FMN1: variants seen among roughly 807,000 people sequenced by gnomAD.
FMN1 encodes formin-1.
FMN1 carries 110 observed loss-of-function variants against 132.4 expected under a neutral mutation model. That is an observed-to-expected ratio of 0.83 (90% confidence interval 0.71 to 0.97). The LOEUF is 0.97. Among genes scored for constraint, FMN1 ranks in the 50% least tolerant of loss-of-function variants. The pLI is 0.00. For synonymous variants in FMN1, 722 were observed against 651.7 expected, an observed-to-expected ratio of 1.11 and a Z score of -1.64; for missense variants, 1,792 against 1,705.3, an observed-to-expected ratio of 1.05 and a Z score of -0.90.
chr15:33,023,004 A>G (rs2035485957), intron 6 of FMN1, among the ~76,000 whole-genome samples: 1 of 138,798 alleles, frequency 7.2e-6, no homozygotes. Flanking sequence ...CTATGATCGC[A>G]CCACTGCACT....
intron 19 of FMN1, among the ~76,000 whole-genome samples, chr15:32,793,295 T>C (rs1210927687): frequency 3.3e-5 from 5 of 152,204 alleles, no homozygotes; most frequent in African/African-American, 1.2e-4. Flanking sequence ...TTTCTTTTTT[T>C]TTTAAAGACA....
At chr15:33,002,968 T>C (rs891426833) in intron 7 of FMN1, among the ~76,000 whole-genome samples, 1 of 152,174 alleles carries the variant, frequency 6.6e-6, no homozygotes, top group Admixed American at 6.5e-5. Flanking sequence ...AAAAACCACA[T>C]GATTATCTCA....
In FMN1 at chr15:32,814,191, A is replaced by T. The variant is rs114371013; in HGVS notation, c.3929-9859T>A. Among the ~76,000 whole-genome samples, 444 of 152,294 alleles carry T rather than the reference A, an allele frequency of 2.9e-3. 5 individuals are homozygous for T. The highest frequency in any genetic ancestry group is 0.01 in the African/African-American group (431 of 41,554). On this transcript the variant is annotated intron_variant, in intron 17 of 20. Coordinates refer to ENST00000616417, the MANE Select transcript of FMN1 (RefSeq NM_001277313.2). ...AAGTTATACCATCTTCTAGACCCAT[A>T]TATGTCTTTAACTTATCACCATTAA...
At position 33,016,012 on chromosome 15, in the gene FMN1, C is replaced by T. The variant is rs79880968; in HGVS notation, c.2162-7937G>A. Among the ~76,000 whole-genome samples the T allele has an allele frequency of 4.4e-3, 666 of 152,256 alleles. 3 individuals carry two copies. Among genetic ancestry groups the T allele is most frequent in the African/African-American group, 0.015 (635 of 41,536 alleles). Reference sequence around the variant, plus strand: ...TACGGTGGATTTATTGACTTGGAATCTCTGAGGCTACTTTACCAAGCCTAC... The same window carrying T: ...TACGGTGGATTTATTGACTTGGAATTTCTGAGGCTACTTTACCAAGCCTAC... On this transcript the variant is annotated intron_variant, in intron 6 of 20. Coordinates refer to ENST00000616417, the MANE Select transcript of FMN1 (RefSeq NM_001277313.2).
chr15:33,043,499 C>A (rs1484208500), intron 6 of FMN1, among the ~76,000 whole-genome samples: 1 of 152,248 alleles, frequency 6.6e-6, no homozygotes, highest in Non-Finnish European at 1.5e-5. Context: ...GCGCAAGAAT[C>A]TCTCTAAATC....
At chr15:32,864,819 G>A (rs1318516057) in intron 16 of FMN1, among the ~76,000 whole-genome samples, 3 of 152,124 alleles carry the variant, frequency 2.0e-5, no homozygotes, top group African/African-American at 7.2e-5. Context: ...AGTGAATAGA[G>A]CTTTAGTATA....
chr15:32,905,346 A>G (rs1005759518), intron 12 of FMN1, among the ~76,000 whole-genome samples: 7 of 152,248 alleles, frequency 4.6e-5, no homozygotes, highest in Non-Finnish European at 1.0e-4. Context: ...TGCAACCTGC[A>G]TTCTTCGATG....
intron 4 of FMN1, among the ~76,000 whole-genome samples, chr15:33,116,194 C>T (rs901244141): frequency 2.0e-5 from 3 of 152,132 alleles, no homozygotes; most frequent in South Asian, 2.1e-4. Flanking sequence ...AAGATGTAAA[C>T]GTAGACTAAC....
intron 6 of FMN1, among the ~76,000 whole-genome samples, chr15:33,027,995 C>CA (rs1193864276): frequency 2.6e-5 from 4 of 152,200 alleles, no homozygotes; most frequent in African/African-American, 7.2e-5. Context: ...GAGAAGCAAC[C>CA]AGCTCACTTG....
chr15:32,996,854 A>G (rs1194488580), intron 7 of FMN1, among the ~76,000 whole-genome samples: 2 of 152,202 alleles, frequency 1.3e-5, no homozygotes, highest in African/African-American at 4.8e-5. Flanking sequence ...GTGGCAGCAT[A>G]GAGAACACAG....
At chr15:32,860,997 G>A (rs573942884) in intron 16 of FMN1, among the ~76,000 whole-genome samples, 77 of 152,088 alleles carry the variant, frequency 5.1e-4, no homozygotes, top group Non-Finnish European at 9.1e-4. Context: ...GAACATTTGT[G>A]GCCACATAAA....
At chr15:32,875,747 T>A (rs920436715) in intron 16 of FMN1, among the ~76,000 whole-genome samples, 2 of 152,232 alleles carry the variant, frequency 1.3e-5, no homozygotes, top group Admixed American at 1.3e-4. Context: ...GGATTGTGAA[T>A]CTTCCACAGA....
chr15:32,949,964 T>TATATATATATATAC (rs1243666399), intron 9 of FMN1, among the ~76,000 whole-genome samples: 1 of 33,610 alleles, frequency 3.0e-5, no homozygotes, highest in African/African-American at 1.4e-4. Flanking sequence ...TATATATATA[T>TATATATATATATAC]ACACACATAT....
intron 7 of FMN1, among the ~76,000 whole-genome samples, chr15:32,985,268 A>C (rs950439458): frequency 2.0e-5 from 3 of 152,118 alleles, no homozygotes; most frequent in Admixed American, 2.0e-4. Context: ...GCTTATCTTG[A>C]GAACAGCCTC....
intron 6 of FMN1, chr15:33,012,423 T>G: frequency 3.2e-6 from 3 of 948,744 alleles, no homozygotes; most frequent in Non-Finnish European, 5.1e-6. Context: ...CCCACTCAAC[T>G]GTGAAAAAGA....
At chr15:33,158,418 C>T (rs890849026) in intron 3 of FMN1, among the ~76,000 whole-genome samples, 3 of 150,712 alleles carry the variant, frequency 2.0e-5, no homozygotes, top group Non-Finnish European at 3.0e-5. Flanking sequence ...CAATGCAAGG[C>T]ATAAAGCTAC....
intron 16 of FMN1, among the ~76,000 whole-genome samples, chr15:32,875,962 G>C (rs2059627049): frequency 6.6e-6 from 1 of 152,104 alleles, no homozygotes; most frequent in African/African-American, 2.4e-5. Flanking sequence ...CGAAGACTCT[G>C]TTTTCCAAGC....
At chr15:32,873,448 G>A (rs904899816) in intron 16 of FMN1, among the ~76,000 whole-genome samples, 1 of 152,216 alleles carries the variant, frequency 6.6e-6, no homozygotes, top group Non-Finnish European at 1.5e-5. Flanking sequence ...CTGTAAATCT[G>A]TCATTGATCC....
At chr15:33,070,067 G>A (rs2037934437) in intron 5 of FMN1, among the ~76,000 whole-genome samples, 1 of 126,676 alleles carries the variant, frequency 7.9e-6, no homozygotes, top group Non-Finnish European at 1.6e-5. Context: ...GTGGAATGGT[G>A]CAATCTCCGC....
Sources: gnomAD v4.1 joint callset for allele counts (sites outside exome capture counted in the v4.1 genomes callset) on GRCh38, gnomAD v4.1.1 for gene constraint, MANE v1.5 for transcripts, NCBI Gene and HGNC (gene_info 2026-07-23, HGNC 2026-07-21) for gene names.